Variants in ADD1 observed in about 807,000 individuals in gnomAD.
The protein encoded by ADD1 is adducin 1.
In ADD1, 24 loss-of-function variants were observed where a neutral mutation model predicts 80.5. That is an observed-to-expected ratio of 0.30 (90% CI 0.22 to 0.42). ADD1 has a LOEUF of 0.42. Ranked by LOEUF, ADD1 falls within the 10% of genes least tolerant of loss-of-function variation. The pLI is 1.00. For missense variants in ADD1, 948 were observed against 1,019.0 expected (o/e 0.93, Z 0.95); for synonymous variants, 373 against 393.8 (o/e 0.95, Z 0.63).
intron 1 of ADD1, chr4:2,867,728 A>G (rs1282240778): frequency 2.0e-5 from 3 of 152,190 alleles, no homozygotes; most frequent in Non-Finnish European, 2.9e-5. Context: ...GGCTGGGACA[A>G]ATTGCTGTGG....
intron 13 of ADD1, among the ~76,000 whole-genome samples, chr4:2,909,708 G>A (rs969210117): frequency 6.6e-6 from 1 of 152,044 alleles, no homozygotes. Context: ...AGTTCCGCAC[G>A]GGACTTTGGT....
At chr4:2,908,233 G>T (rs144915619) in intron 11 of ADD1, among the ~76,000 whole-genome samples, 3 of 152,238 alleles carry the variant, frequency 2.0e-5, no homozygotes, top group Non-Finnish European at 4.4e-5. Context: ...GACATGCAGC[G>T]AGTGTTTCCC....
At chr4:2,850,886 A>G (rs1489778151) in intron 1 of ADD1, among the ~76,000 whole-genome samples, 3 of 152,338 alleles carry the variant, frequency 2.0e-5, no homozygotes, top group African/African-American at 4.8e-5. Context: ...AGGCAAATCT[A>G]TACAGGCAGA....
chr4:2,905,147 G>A lies in ADD1; in HGVS notation c.1506+39G>A, dbSNP rs375103962. On this transcript the variant is annotated intron_variant, in intron 10 of 15. Coordinates refer to ENST00000683351, the MANE Select transcript of ADD1 (RefSeq NM_001354761.2). ...TTACTGTTCATAGTTAGATGACGTA[G>A]AGCAAGTTGGGTAGCTGGGGCTTCG... The A allele has an allele frequency of 3.1e-6, 5 of 1,596,890 alleles. No homozygotes were observed. In the African/African-American group the frequency reaches 4.0e-5, roughly 13 times the overall value.
At chr4:2,917,173 T>G (rs1231426447) in intron 14 of ADD1, among the ~76,000 whole-genome samples, 1 of 152,226 alleles carries the variant, frequency 6.6e-6, no homozygotes, top group Non-Finnish European at 1.5e-5. Context: ...TGTTCCTATT[T>G]CTCCACATCC....
Position 2,889,740 on chromosome 4 carries a change from T to G in ADD1, c.511-4273T>G, listed in dbSNP as rs551880776. Among the ~76,000 whole-genome samples the G allele has an allele frequency of 2.6e-5, 4 of 152,218 alleles. No individual in the cohort carries two copies. In the East Asian group the frequency reaches 5.8e-4, roughly 22 times the overall value. On this transcript the variant is annotated intron_variant, in intron 4 of 15. Transcript: ENST00000683351. ...GGGAGGCTGAGACAGGAGAATTGCT[T>G]GAACCCTAGAGGCAGAGGTTGCAGT...
intron 4 of ADD1, among the ~76,000 whole-genome samples, chr4:2,885,487 A>G (rs1733108935): frequency 6.6e-6 from 1 of 152,186 alleles, no homozygotes; most frequent in Admixed American, 6.5e-5. Flanking sequence ...ATCATGTCAC[A>G]GAAAAAATGG....
intron 1 of ADD1, among the ~76,000 whole-genome samples, chr4:2,851,082 C>T (rs1727006672): frequency 6.6e-6 from 1 of 152,134 alleles, no homozygotes; most frequent in Admixed American, 6.5e-5. Context: ...CAGTCTTGCT[C>T]TATTGTTCAG....
chr4:2,867,645 A>G (rs1274036530), intron 1 of ADD1, among the ~76,000 whole-genome samples: 1 of 152,264 alleles, frequency 6.6e-6, no homozygotes, highest in African/African-American at 2.4e-5. Context: ...TAAAATGTGG[A>G]TGATTTAGGC....
intron 14 of ADD1, among the ~76,000 whole-genome samples, chr4:2,919,814 G>T (rs1388442216): frequency 3.4e-5 from 5 of 146,160 alleles, no homozygotes; most frequent in South Asian, 4.3e-4. Flanking sequence ...ATTTTTTTTT[G>T]AAGGCTTTTT....
At chr4:2,875,036 C>G (rs907089653) in intron 1 of ADD1, among the ~76,000 whole-genome samples, 1 of 152,182 alleles carries the variant, frequency 6.6e-6, no homozygotes, top group Non-Finnish European at 1.5e-5. Context: ...AGACCAGCCT[C>G]TGCAACTCAG....
intron 4 of ADD1, chr4:2,887,480 T>C (rs937428481): frequency 6.6e-6 from 1 of 151,048 alleles, no homozygotes; most frequent in African/African-American, 2.4e-5. Context: ...CAAGACGGGG[T>C]GGCCCAGTTA....
chr4:2,898,765 C>T, intron 8 of ADD1: 1 of 524,184 alleles, frequency 1.9e-6, no homozygotes, highest in Non-Finnish European at 3.4e-6. Context: ...ATATGTCAGT[C>T]ACTACCATTT....
rs146756621 is a variant in ADD1 at position 2,912,500 on chromosome 4, A to G, written c.1792-2384A>G. Among the ~76,000 whole-genome samples, 166 of 152,168 alleles carry G rather than the reference A, an allele frequency of 1.1e-3. 1 individual carries two copies. The highest frequency in any genetic ancestry group is 3.5e-3 in the Admixed American group (54 of 15,282). The stretch of plus-strand genomic sequence containing the variant: ...ATCAAAATTGGGAACAAGGGTTTTG[A>G]TGTCTCTGTGCCAATGGATTTTTAT... On this transcript the variant is annotated intron_variant, in intron 13 of 15. Transcript: ENST00000683351.
intron 13 of ADD1, among the ~76,000 whole-genome samples, chr4:2,912,217 GAGGGGAAGCT>G (rs1379447942): frequency 2.6e-5 from 4 of 152,236 alleles, no homozygotes; most frequent in African/African-American, 9.6e-5. Flanking sequence ...GGAGTGGCAG[GAGGGGAAGCT>G]AGGCACATCT....
At chr4:2,924,655 C>T (rs947582778) in intron 14 of ADD1, among the ~76,000 whole-genome samples, 3 of 152,212 alleles carry the variant, frequency 2.0e-5, no homozygotes, top group East Asian at 1.9e-4. Context: ...CACTGCATTA[C>T]GTAGTTGTGA....
intron 1 of ADD1, among the ~76,000 whole-genome samples, chr4:2,848,546 G>A (rs57763208): frequency 0.017 from 2,653 of 152,056 alleles, 56 homozygotes; most frequent in African/African-American, 0.046. Flanking sequence ...ATAGTTTGCC[G>A]CAGCCTTGAA....
intron 9 of ADD1, chr4:2,901,693 A>C (rs182055927): frequency 2.6e-5 from 4 of 152,304 alleles, no homozygotes; most frequent in African/African-American, 9.6e-5. Flanking sequence ...CACTCCTGTG[A>C]TCCCAGCACT....
chr4:2,899,497 T>C, intron 9 of ADD1, 62 bp downstream of exon 9: 8 of 1,586,624 alleles, frequency 5.0e-6, no homozygotes, highest in Non-Finnish European at 3.5e-6. Context: ...GTGTTGGTGT[T>C]CTTACAGCAA....
Sources: gnomAD v4.1 joint callset for allele counts (sites outside exome capture counted in the v4.1 genomes callset) on GRCh38, gnomAD v4.1.1 for gene constraint, MANE v1.5 for transcripts, NCBI Gene and HGNC (gene_info 2026-07-23, HGNC 2026-07-21) for gene names.